SCOC: variants seen among roughly 807,000 people sequenced by gnomAD.
The protein encoded by SCOC is short coiled coil protein.
In SCOC, 7 loss-of-function variants were observed where a neutral mutation model predicts 9.9. The observed-to-expected ratio is 0.71, with a 90% CI of 0.40 to 1.33. The LOEUF is 1.33. SCOC is among the 40% of genes most tolerant of loss of function. The probability of loss-of-function intolerance (pLI) is 0.01; values close to 1 mark genes in which losing one functional copy is unlikely to be tolerated. For missense variants in SCOC, 66 were observed against 89.7 expected, an observed-to-expected ratio of 0.74 and a Z score of 1.07; for synonymous variants, 19 against 28.2, an observed-to-expected ratio of 0.67 and a Z score of 1.03.
intron 1 of SCOC, among the ~76,000 whole-genome samples, chr4:140,376,956 A>G (rs1238341155): frequency 6.6e-6 from 1 of 152,226 alleles, no homozygotes; most frequent in African/African-American, 2.4e-5. Flanking sequence ...CTTCTTAGCT[A>G]TCATGAAAAT....
At chr4:140,271,991 G>A (rs999222862) in intron 1 of SCOC, among the ~76,000 whole-genome samples, 2 of 151,756 alleles carry the variant, frequency 1.3e-5, no homozygotes, top group African/African-American at 4.8e-5. Context: ...GCGCAAGGTC[G>A]ACCCTCCTAT....
At position 140,333,755 on chromosome 4, in the gene SCOC, G is replaced by A. The variant is rs529387780; in HGVS notation, c.-18-9866G>A. Among the ~76,000 whole-genome samples, 91 of 152,326 alleles carry A rather than the reference G, an allele frequency of 6.0e-4. 1 individual carries two copies. The highest frequency in any genetic ancestry group is 2.0e-3 in the African/African-American group (82 of 41,574). On this transcript the variant is annotated intron_variant, in intron 1 of 4. Transcript: ENST00000394205. ...CATGAATATTTGATGAATGTGGAAT[G>A]AAATCTGACATCTTGTTGCTGGAGT...
intron 1 of SCOC, among the ~76,000 whole-genome samples, chr4:140,285,738 C>T (rs907912644): frequency 2.0e-5 from 3 of 152,130 alleles, no homozygotes; most frequent in Non-Finnish European, 4.4e-5. Flanking sequence ...CATTGCTAAG[C>T]AGTTAGTATA....
At chr4:140,288,910 A>C (rs897959054) in intron 1 of SCOC, among the ~76,000 whole-genome samples, 1 of 152,026 alleles carries the variant, frequency 6.6e-6, no homozygotes, top group Non-Finnish European at 1.5e-5. Context: ...CCATATATGC[A>C]TACCACACAT....
At chr4:140,262,583 T>G (rs972086264) in intron 1 of SCOC, among the ~76,000 whole-genome samples, 1 of 152,106 alleles carries the variant, frequency 6.6e-6, no homozygotes, top group Admixed American at 6.5e-5. Context: ...GCTCCTTGAA[T>G]AGGAGCAGAG....
At chr4:140,370,748 T>C (rs1167590539), upstream of SCOC, among the ~76,000 whole-genome samples, 3 of 152,230 alleles carry the variant, frequency 2.0e-5, no homozygotes, top group Non-Finnish European at 2.9e-5. Flanking sequence ...ATTGTTTTAA[T>C]GTTATTTTAC....
At chr4:140,329,610 A>C (rs1202348604) in intron 1 of SCOC, among the ~76,000 whole-genome samples, 1 of 152,194 alleles carries the variant, frequency 6.6e-6, no homozygotes, top group African/African-American at 2.4e-5. Flanking sequence ...CAAGAAAAAA[A>C]CAAACAATCC....
At chr4:140,360,868 C>G (rs1028402555) in intron 2 of SCOC, 3 of 152,218 alleles carry the variant, frequency 2.0e-5, no homozygotes, top group Admixed American at 6.5e-5. Flanking sequence ...CCATTGACTT[C>G]TACTGATGCT....
At chr4:140,297,890 G>A (rs964345367) in intron 1 of SCOC, among the ~76,000 whole-genome samples, 4 of 152,152 alleles carry the variant, frequency 2.6e-5, no homozygotes, top group African/African-American at 7.2e-5. Context: ...TGGATCACAC[G>A]TCACAGGTAT....
Position 140,275,820 on chromosome 4 carries a change from GTTTTTTT to G in SCOC, c.-19+18425_-19+18431del, listed in dbSNP as rs1175950527. Reference sequence around the variant, plus strand: ...GTTTCCCCTGAACTCGCTCAGGTTTGTTTTTTTTTTTTTTTTTTTTTGAGAGGGAGTC... The same window carrying G: ...GTTTCCCCTGAACTCGCTCAGGTTTGTTTTTTTTTTTTTTGAGAGGGAGTC... On this transcript the variant is annotated intron_variant, in intron 1 of 4. Transcript: ENST00000394205. Among the ~76,000 whole-genome samples the G allele has an allele frequency of 5.5e-5, 5 of 90,646 alleles. No homozygotes were observed. In the East Asian group the frequency reaches 8.1e-4, roughly 15 times the overall value. 59.5% of individuals were successfully genotyped at this position (90,646 alleles called of 152,430 possible).
At chr4:140,340,783 CTTTTT>C (rs36136647), upstream of SCOC, among the ~76,000 whole-genome samples, 22 of 40,444 alleles carry the variant, frequency 5.4e-4, no homozygotes, top group South Asian at 8.3e-3. Flanking sequence ...TGCTGCCTAA[CTTTTT>C]TTTTTTTTTT....
upstream of SCOC, among the ~76,000 whole-genome samples, chr4:140,369,606 A>C (rs2668578): frequency 0.95 from 145,021 of 152,248 alleles, 69,111 homozygotes; most frequent in East Asian, 0.99. Context: ...TCAAAAAGAT[A>C]TTGGAAGTTC....
intron 1 of SCOC, among the ~76,000 whole-genome samples, chr4:140,328,884 C>T (rs756234632): frequency 7.2e-5 from 11 of 152,138 alleles, no homozygotes; most frequent in Non-Finnish European, 1.6e-4. Flanking sequence ...AATCTGTATG[C>T]ACTTTGAACA....
intron 1 of SCOC, among the ~76,000 whole-genome samples, chr4:140,326,113 G>A (rs1055448833): frequency 1.3e-5 from 2 of 152,042 alleles, no homozygotes; most frequent in Non-Finnish European, 2.9e-5. Flanking sequence ...TTATGACATC[G>A]TGTAAAAGGC....
intron 2 of SCOC, among the ~76,000 whole-genome samples, chr4:140,354,045 ATTC>A (rs1727100983): frequency 6.6e-6 from 1 of 152,236 alleles, no homozygotes; most frequent in Admixed American, 6.5e-5. Flanking sequence ...TTTAAAACAC[ATTC>A]TTCTTTTCTT....
intron 1 of SCOC, among the ~76,000 whole-genome samples, chr4:140,272,319 T>G (rs1445034844): frequency 6.6e-6 from 1 of 152,046 alleles, no homozygotes; most frequent in East Asian, 1.9e-4. Flanking sequence ...CCTTTCAAAT[T>G]GTTGGGATTA....
chr4:140,377,435 A>T (rs1321721279), intron 1 of SCOC, among the ~76,000 whole-genome samples: 1 of 152,262 alleles, frequency 6.6e-6, no homozygotes, highest in Non-Finnish European at 1.5e-5. Context: ...GCAACTTTAA[A>T]TGCGGTTTAG....
intron 2 of SCOC, among the ~76,000 whole-genome samples, chr4:140,356,394 CT>C (rs1449750317): frequency 6.6e-6 from 1 of 152,196 alleles, no homozygotes; most frequent in Admixed American, 6.5e-5. Context: ...CCCTACATCA[CT>C]CTCACCCAAT....
intron 1 of SCOC, among the ~76,000 whole-genome samples, chr4:140,263,374 G>C (rs1346492577): frequency 6.6e-6 from 1 of 152,198 alleles, no homozygotes; most frequent in Non-Finnish European, 1.5e-5. Flanking sequence ...CTGATGTACA[G>C]CTAAAAGAAG....
Sources: gnomAD v4.1 joint callset for allele counts (sites outside exome capture counted in the v4.1 genomes callset) on GRCh38, gnomAD v4.1.1 for gene constraint, MANE v1.5 for transcripts, NCBI Gene and HGNC (gene_info 2026-07-23, HGNC 2026-07-21) for gene names.